The following ERAP1 variants were observed in gnomAD, a reference collection of about 807,000 sequenced individuals.
The protein encoded by ERAP1 is endoplasmic reticulum aminopeptidase 1, also known as adipocyte-derived leucine aminopeptidase.
A neutral mutation model predicts 103.7 loss-of-function variants in ERAP1; 86 were observed. That is an observed-to-expected ratio of 0.83 (90% CI 0.70 to 0.99). ERAP1 has a LOEUF of 0.99. ERAP1 is among the 50% of genes least tolerant of loss of function. The probability of loss-of-function intolerance (pLI) is 0.00; values close to 1 mark genes in which losing one functional copy is unlikely to be tolerated. For synonymous variants in ERAP1, 398 were observed against 402.4 expected, an observed-to-expected ratio of 0.99 and a Z score of 0.13; for missense variants, 1,009 against 1,128.4, an observed-to-expected ratio of 0.89 and a Z score of 1.52.
chr5:96,898,541 A>T, the ERAP1 span, among the ~76,000 whole-genome samples: 1 of 148,878 alleles, frequency 6.7e-6, no homozygotes, highest in Non-Finnish European at 1.5e-5. Flanking sequence ...CAGTCTGGCC[A>T]ACATGGTGAA....
the ERAP1 span, chr5:96,903,658 A>G: frequency 1.7e-6 from 2 of 1,152,474 alleles, no homozygotes; most frequent in Non-Finnish European, 2.4e-6. Context: ...TCATTGATTT[A>G]ATATGGATTT....
At chr5:96,771,529 C>A, downstream of ERAP1, 1 of 674,000 alleles carries the variant, frequency 1.5e-6, no homozygotes, top group Non-Finnish European at 2.6e-6. Context: ...ACTGAAAGGA[C>A]CATCTTATTT....
the ERAP1 span, among the ~76,000 whole-genome samples, chr5:96,929,335 C>T: frequency 1.1e-4 from 17 of 152,196 alleles, no homozygotes; most frequent in African/African-American, 4.1e-4. Context: ...TCTGCAGACC[C>T]GACGGATTTG....
chr5:96,848,726 C>G, the ERAP1 span: 1 of 152,054 alleles, frequency 6.6e-6, no homozygotes, highest in African/African-American at 2.4e-5. Context: ...TAATACCACT[C>G]CTTCTCAAAC....
chr5:96,838,170 C>T, the ERAP1 span, among the ~76,000 whole-genome samples: 2 of 152,132 alleles, frequency 1.3e-5, no homozygotes, highest in Admixed American at 6.6e-5. Context: ...GTCCTCGCAG[C>T]GAACCTGCCC....
At chr5:96,902,039 T>C in the ERAP1 span, among the ~76,000 whole-genome samples, 47 of 152,344 alleles carry the variant, frequency 3.1e-4, no homozygotes, top group African/African-American at 1.1e-3. Context: ...ACACAAGTAT[T>C]TGTGGCAGAG....
chr5:96,853,026 T>C, the ERAP1 span, among the ~76,000 whole-genome samples: 4 of 152,008 alleles, frequency 2.6e-5, no homozygotes, highest in Non-Finnish European at 5.9e-5. Flanking sequence ...TTAAAACCCT[T>C]CTCTTGGGTT....
exon 20 of ERAP1, chr5:96,762,509 C>A: frequency 3.6e-6 from 2 of 560,400 alleles, no homozygotes; most frequent in African/African-American, 1.9e-5. Context: ...TCAGAAGAGC[C>A]GAGACTGATG....
chr5:96,916,014 A>C, the ERAP1 span, among the ~76,000 whole-genome samples: 1 of 152,150 alleles, frequency 6.6e-6, no homozygotes, highest in Non-Finnish European at 1.5e-5. Context: ...TGGGGTCAGG[A>C]GTTCGAGACC....
chr5:96,781,692 C>T lies in ERAP1; in HGVS notation c.2447+1G>A, dbSNP rs568543373. On this transcript the variant is annotated splice_donor_variant, in intron 16 of 18. Transcript: ENST00000443439. LOFTEE classifies it high-confidence loss of function. ...TGAACATGAATGAATGACGGACTCA[C>T]CATTGAAGCTTTTCCTTATTTTGGG... 1 of 1,614,100 alleles carries T rather than the reference C, an allele frequency of 6.2e-7. No homozygotes were observed. The highest frequency in any genetic ancestry group is 1.1e-5 in the South Asian group (1 of 91,084).
At chr5:96,904,018 T>C in the ERAP1 span, among the ~76,000 whole-genome samples, 1 of 152,228 alleles carries the variant, frequency 6.6e-6, no homozygotes, top group Admixed American at 6.5e-5. Flanking sequence ...TGTTATTAGC[T>C]GCTACACCAA....
At chr5:96,814,426 T>G in the ERAP1 span, 5 of 424,250 alleles carry the variant, frequency 1.2e-5, no homozygotes, top group African/African-American at 1.0e-4. Context: ...TTTCTACTAT[T>G]ATAATCTTAG....
chr5:96,790,390 T>A (rs1344265287), intron 9 of ERAP1, 23 bp from the exon 10 acceptor site: 1 of 1,612,092 alleles, frequency 6.2e-7, no homozygotes, highest in Admixed American at 1.7e-5. Flanking sequence ...AATAAACACA[T>A]CACTCTTATT....
At chr5:96,781,631 G>A (rs1775182586) in intron 16 of ERAP1, 62 bp downstream of exon 16, 1 of 1,605,508 alleles carries the variant, frequency 6.2e-7, no homozygotes, top group Admixed American at 1.7e-5. Flanking sequence ...ATAGATGCCA[G>A]AATGATCTAA....
In ERAP1 at chr5:96,803,925, ATCT is replaced by A. The variant is rs765633276; in HGVS notation, c.-2_1del. The A allele has an allele frequency of 5.6e-6, 9 of 1,605,416 alleles. No homozygotes were observed. Among genetic ancestry groups the A allele is most frequent in the Non-Finnish European group, 7.6e-6 (9 of 1,179,990 alleles). On this transcript the variant is annotated start_lost and start_retained_variant and 5_prime_UTR_variant, in exon 2 of 19. Transcript: ENST00000443439. Reference sequence around the variant, plus strand: ...GGACCATTTGAGGGGCAGAAACACCATCTTCTTGCTCTACCTACCTAGCGGCAC... The same window carrying A: ...GGACCATTTGAGGGGCAGAAACACCATCTTGCTCTACCTACCTAGCGGCAC...
the ERAP1 span, among the ~76,000 whole-genome samples, chr5:96,842,134 C>T: frequency 7.9e-5 from 12 of 152,032 alleles, no homozygotes; most frequent in African/African-American, 2.7e-4. Context: ...TTTTTATGGC[C>T]GAGTAGTATT....
intron 13 of ERAP1, 87 bp downstream of exon 13, chr5:96,785,701 C>T (rs1386925844): frequency 6.4e-6 from 9 of 1,402,428 alleles, no homozygotes; most frequent in Non-Finnish European, 9.0e-6. Flanking sequence ...TGTTATCAAT[C>T]AATCATTTTT....
chr5:96,924,352 C>A, the ERAP1 span, among the ~76,000 whole-genome samples: 2 of 152,170 alleles, frequency 1.3e-5, 1 homozygote, highest in South Asian at 4.1e-4. Context: ...AAAAAAGCAC[C>A]TGAATCAGCT....
chr5:96,814,606 C>T, the ERAP1 span, among the ~76,000 whole-genome samples: 1 of 152,108 alleles, frequency 6.6e-6, no homozygotes, highest in Non-Finnish European at 1.5e-5. Flanking sequence ...AAGAGATATT[C>T]ATGAGAAATC....
Sources: gnomAD v4.1 joint callset for allele counts (sites outside exome capture counted in the v4.1 genomes callset) on GRCh38, gnomAD v4.1.1 for gene constraint, MANE v1.5 for transcripts, NCBI Gene and HGNC (gene_info 2026-07-23, HGNC 2026-07-21) for gene names.